The following RNFT2 variants were observed in gnomAD, a reference collection of about 807,000 sequenced individuals.
The protein encoded by RNFT2 is ring finger protein, transmembrane 2.
A neutral mutation model predicts 53.0 loss-of-function variants in RNFT2; 36 were observed. That is an observed-to-expected ratio of 0.68 (90% CI 0.52 to 0.90). RNFT2 has a LOEUF of 0.90. Ranked by LOEUF, RNFT2 falls within the 40% of genes least tolerant of loss-of-function variation. The pLI is 0.00. For synonymous variants in RNFT2, 260 were observed against 253.2 expected (o/e 1.03, Z -0.26); for missense variants, 514 against 585.6 (o/e 0.88, Z 1.26).
Position 116,843,511 on chromosome 12 carries a change from A to AC in RNFT2, c.1201-5803_1201-5802insC, listed in dbSNP as rs1300293270. Among the ~76,000 whole-genome samples, 5 of 150,080 alleles carry AC rather than the reference A, an allele frequency of 3.3e-5. No individual in the cohort carries two copies. In the East Asian group the frequency reaches 9.8e-4, roughly 29 times the overall value. ...GTGTCTCAAAAAAAAAAAAAAAAAA[A>AC]AAAACCCCAAGAAACAAACAAACAA... On this transcript the variant is annotated intron_variant, in intron 10 of 10. Transcript: ENST00000257575.
chr12:116,819,417 GT>G (rs1363983672), intron 7 of RNFT2, among the ~76,000 whole-genome samples: 1 of 152,106 alleles, frequency 6.6e-6, no homozygotes, highest in African/African-American at 2.4e-5. Flanking sequence ...GCGCGGGGCT[GT>G]GACCTCATCG....
At chr12:116,772,464 G>A (rs1466929479) in intron 6 of RNFT2, among the ~76,000 whole-genome samples, 5 of 151,608 alleles carry the variant, frequency 3.3e-5, no homozygotes, top group East Asian at 3.9e-4. Flanking sequence ...GTGCCACCAC[G>A]CCCGGCTGAT....
intron 4 of RNFT2, among the ~76,000 whole-genome samples, chr12:116,750,839 T>TATGTATATGTAA (rs1162762455): frequency 1.3e-4 from 1 of 7,790 alleles, no homozygotes; most frequent in African/African-American, 7.3e-4. Context: ...AATATATATA[T>TATGTATATGTAA]TATATATATA....
At chr12:116,797,538 C>CAAA (rs200259830) in intron 7 of RNFT2, among the ~76,000 whole-genome samples, 1,356 of 131,116 alleles carry the variant, frequency 0.01, 20 homozygotes, top group African/African-American at 0.035. Context: ...CTGTCTATCT[C>CAAA]AAAAAAAAAA....
intron 7 of RNFT2, among the ~76,000 whole-genome samples, chr12:116,798,320 A>G (rs185666748): frequency 2.0e-5 from 3 of 152,314 alleles, no homozygotes; most frequent in Non-Finnish European, 4.4e-5. Context: ...CATTCTATAT[A>G]CAGCTCCCAC....
intron 7 of RNFT2, among the ~76,000 whole-genome samples, chr12:116,788,593 A>C (rs919900549): frequency 6.6e-6 from 1 of 152,044 alleles, no homozygotes; most frequent in African/African-American, 2.4e-5. Context: ...TGTTTGTTTA[A>C]ATGTCTGCCT....
At chr12:116,838,517 A>T (rs1877093611) in intron 10 of RNFT2, among the ~76,000 whole-genome samples, 1 of 152,200 alleles carries the variant, frequency 6.6e-6, no homozygotes, top group African/African-American at 2.4e-5. Flanking sequence ...ATGCAGTATG[A>T]CACAGCCGCT....
chr12:116,792,862 G>A (rs181893836), intron 7 of RNFT2, among the ~76,000 whole-genome samples: 3 of 152,218 alleles, frequency 2.0e-5, no homozygotes, highest in Non-Finnish European at 4.4e-5. Context: ...CTGAGAAGGT[G>A]GGTTGGTTTT....
At chr12:116,829,286 T>C (rs1226413863) in intron 7 of RNFT2, among the ~76,000 whole-genome samples, 2 of 152,146 alleles carry the variant, frequency 1.3e-5, no homozygotes, top group African/African-American at 4.8e-5. Context: ...ATCATGCCCT[T>C]GTCCATGTAA....
At chr12:116,798,956 T>A (rs2137146910) in intron 7 of RNFT2, among the ~76,000 whole-genome samples, 1 of 152,302 alleles carries the variant, frequency 6.6e-6, no homozygotes, top group Non-Finnish European at 1.5e-5. Flanking sequence ...AAACACTCAT[T>A]TATGAGTTCA....
At chr12:116,762,877 G>T (rs912720157) in intron 5 of RNFT2, among the ~76,000 whole-genome samples, 4 of 152,148 alleles carry the variant, frequency 2.6e-5, no homozygotes, top group African/African-American at 9.7e-5. Flanking sequence ...CTCCCAAAGT[G>T]CTGGGATTAC....
Position 116,743,760 on chromosome 12 carries a change from C to T in RNFT2, c.83+2666C>T, listed in dbSNP as rs377667002. On this transcript the variant is annotated intron_variant, in intron 3 of 10. Coordinates refer to ENST00000257575, the MANE Select transcript of RNFT2 (RefSeq NM_001382266.1). ...CTACAGAATCACAAATGGTATCCCCCGGTCCCAGCACTGGGACTGAGTTTT... is the reference window on the plus strand; with the variant it reads ...CTACAGAATCACAAATGGTATCCCCTGGTCCCAGCACTGGGACTGAGTTTT... Among the ~76,000 whole-genome samples the T allele has an allele frequency of 1.9e-4, 29 of 152,262 alleles. No individual in the cohort carries two copies. The East Asian group carries it at 2.9e-3, about 15-fold the overall frequency.
At chr12:116,806,838 T>G (rs1875107538) in intron 7 of RNFT2, among the ~76,000 whole-genome samples, 1 of 152,188 alleles carries the variant, frequency 6.6e-6, no homozygotes. Context: ...TTATTAGATT[T>G]TCTATTAATC....
intron 5 of RNFT2, among the ~76,000 whole-genome samples, chr12:116,759,492 CG>C (rs1278377680): frequency 6.6e-6 from 1 of 152,172 alleles, no homozygotes; most frequent in Non-Finnish European, 1.5e-5. Flanking sequence ...GGGTAGACTC[CG>C]TCAGACGGAA....
chr12:116,794,947 T>G (rs1016706728), intron 7 of RNFT2, among the ~76,000 whole-genome samples: 1 of 152,096 alleles, frequency 6.6e-6, no homozygotes, highest in East Asian at 1.9e-4. Flanking sequence ...GTCCACTTAC[T>G]TGATTCTCTG....
At chr12:116,800,042 T>C (rs1181423395) in intron 7 of RNFT2, among the ~76,000 whole-genome samples, 1 of 152,182 alleles carries the variant, frequency 6.6e-6, no homozygotes, top group Non-Finnish European at 1.5e-5. Context: ...GGCATCTCTT[T>C]TGCTTGCTCT....
chr12:116,744,138 A>ACC (rs1871779669), intron 3 of RNFT2, among the ~76,000 whole-genome samples: 1 of 150,350 alleles, frequency 6.7e-6, no homozygotes, highest in African/African-American at 2.4e-5. Flanking sequence ...AGGAAGGAGA[A>ACC]CCACTTGAAC....
intron 7 of RNFT2, among the ~76,000 whole-genome samples, chr12:116,786,115 G>A (rs1389431752): frequency 2.6e-5 from 4 of 151,428 alleles, no homozygotes; most frequent in African/African-American, 7.3e-5. Context: ...TAAGAGATCA[G>A]GTAGTTCTTT....
chr12:116,778,613 G>T (rs1446153278), intron 6 of RNFT2, among the ~76,000 whole-genome samples: 1 of 152,270 alleles, frequency 6.6e-6, no homozygotes, highest in African/African-American at 2.4e-5. Context: ...ACTTTGGAAG[G>T]CTGAGGCGGG....
Sources: gnomAD v4.1 joint callset for allele counts (sites outside exome capture counted in the v4.1 genomes callset) on GRCh38, gnomAD v4.1.1 for gene constraint, MANE v1.5 for transcripts, NCBI Gene and HGNC (gene_info 2026-07-23, HGNC 2026-07-21) for gene names.